ZNF827: variants seen among roughly 807,000 people sequenced by gnomAD.
ZNF827 encodes the protein zinc finger protein 827.
Under a neutral mutation model 102.4 loss-of-function variants are expected in ZNF827, and 13 were observed. That is an observed-to-expected ratio of 0.13 (90% CI 0.08 to 0.20). ZNF827 has a LOEUF of 0.20. Among genes scored for constraint, ZNF827 ranks in the 10% least tolerant of loss-of-function variants. ZNF827 has a pLI of 1.00. For synonymous variants in ZNF827, 523 were observed against 536.2 expected, an observed-to-expected ratio of 0.98 and a Z score of 0.34; for missense variants, 1,103 against 1,344.4, an observed-to-expected ratio of 0.82 and a Z score of 2.81.
chr4:145,901,133 A>G (rs1751375875), intron 2 of ZNF827, among the ~76,000 whole-genome samples: 1 of 152,188 alleles, frequency 6.6e-6, no homozygotes, highest in Non-Finnish European at 1.5e-5. Context: ...CGTTCCGTCA[A>G]TTATTTGCCA....
chr4:145,765,820 C>T lies in ZNF827; in HGVS notation c.2861-82G>A. ...AGCAACTGAGGGTGACGAGTTGAGT[C>T]TCATGGATGCATCATCATTCTGGGG... On this transcript the variant is annotated intron_variant, in intron 11 of 14. Transcript: ENST00000508784. This position sits in a 1 kb window ranked among gnomAD's most constrained non-coding sequence, Gnocchi z 4.7. The T allele has an allele frequency of 7.2e-7, 1 of 1,381,578 alleles. No individual in the cohort carries two copies. The highest frequency in any genetic ancestry group is 1.4e-5 in the South Asian group (1 of 72,852). The allele number at this position is 1,381,578 out of a possible 1,614,324, so 85.6% of individuals were successfully genotyped here.
At chr4:145,830,964 G>A (rs761305506) in intron 7 of ZNF827, 1 of 152,196 alleles carries the variant, frequency 6.6e-6, no homozygotes, top group Non-Finnish European at 1.5e-5. Context: ...AACATGTTAC[G>A]TATAACAATC....
intron 2 of ZNF827, among the ~76,000 whole-genome samples, chr4:145,898,807 CA>C (rs1319051035): frequency 1.3e-5 from 2 of 152,104 alleles, no homozygotes; most frequent in Admixed American, 6.5e-5. Flanking sequence ...ACCTAAAAGA[CA>C]ATTTTTTTTT....
chr4:145,813,650 C>G (rs912019911), intron 8 of ZNF827, among the ~76,000 whole-genome samples: 1 of 152,108 alleles, frequency 6.6e-6, no homozygotes, highest in Admixed American at 6.5e-5. Flanking sequence ...AAAACAGACC[C>G]GTATTATAAT....
chr4:145,820,268 T>A (rs1005320362), intron 8 of ZNF827, among the ~76,000 whole-genome samples: 1 of 152,222 alleles, frequency 6.6e-6, no homozygotes, highest in African/African-American at 2.4e-5. Context: ...ACCAATGTTG[T>A]ATATATTGTT....
At chr4:145,914,125 ATAT>A (rs1326628523) in intron 1 of ZNF827, among the ~76,000 whole-genome samples, 1 of 152,092 alleles carries the variant, frequency 6.6e-6, no homozygotes, top group African/African-American at 2.4e-5. Context: ...TGTAATAAAC[ATAT>A]TATAGTCATC....
intron 1 of ZNF827, among the ~76,000 whole-genome samples, chr4:145,905,649 C>T (rs1751797019): frequency 6.6e-6 from 1 of 152,166 alleles, no homozygotes; most frequent in South Asian, 2.1e-4. Flanking sequence ...TACCAAACAC[C>T]AAGCAGTCAA....
At chr4:145,891,616 A>T (rs1165804635) in intron 3 of ZNF827, among the ~76,000 whole-genome samples, 7 of 152,182 alleles carry the variant, frequency 4.6e-5, no homozygotes, top group Non-Finnish European at 8.8e-5. Flanking sequence ...ATGTTTGGTA[A>T]ATGTAATCCT....
At chr4:145,863,237 C>G (rs190914087) in intron 5 of ZNF827, among the ~76,000 whole-genome samples, 162 of 152,230 alleles carry the variant, frequency 1.1e-3, no homozygotes, top group Middle Eastern at 3.4e-3. Context: ...TAAAAAAAGA[C>G]AGACAAAACC....
chr4:145,838,413 G>A (rs1390537763), intron 7 of ZNF827, among the ~76,000 whole-genome samples: 2 of 151,976 alleles, frequency 1.3e-5, no homozygotes, highest in African/African-American at 4.8e-5. Context: ...GACTCTTTTC[G>A]GACTCAGCCC....
intron 8 of ZNF827, among the ~76,000 whole-genome samples, chr4:145,793,939 CT>C (rs1740104973): frequency 6.6e-6 from 1 of 150,534 alleles, no homozygotes; most frequent in African/African-American, 2.5e-5. Flanking sequence ...CAGTGAAACT[CT>C]GACTGGGGGG....
chr4:145,902,306 G>A lies in ZNF827; in HGVS notation c.953C>T (p.Pro318Leu), dbSNP rs772796827. Residue 318 changes from proline (P) to leucine (L), a missense_variant, in exon 2 of 15, where the codon CCG (proline) becomes CTG (leucine). Coordinates refer to ENST00000508784, the MANE Select transcript of ZNF827 (RefSeq NM_001306215.2). The surrounding 1 kb of genome is among the most constrained non-coding windows in gnomAD (Gnocchi z 4.3). ...TTTTTCTGGTTTCTTCTCTGAAGGC[G>A]GGGGCGGTAGAGGGTCCTCAGGCAG... is the stretch of plus-strand genomic sequence containing the variant. ...SLLPEDPLPP[P>L]PSEKKPEKVT... 3.1e-6 allele frequency: 5 copies of A among 1,597,802 alleles called. No homozygotes were observed. The highest frequency in any genetic ancestry group is 1.3e-5 in the African/African-American group (1 of 74,342).
intron 9 of ZNF827, among the ~76,000 whole-genome samples, chr4:145,776,824 CATAA>C (rs2126955636): frequency 6.6e-6 from 1 of 152,230 alleles, no homozygotes; most frequent in East Asian, 1.9e-4. Context: ...TTTCATTTTA[CATAA>C]ATAAAGAATT....
Position 145,909,154 on chromosome 4 carries a change from A to G in ZNF827, c.44-5939T>C, listed in dbSNP as rs545663836. ...AAAGGTAGACCTTACCAACTATTTTACCATACTCACTAGTTTTGAAATCAA... is the reference window on the plus strand; with the variant it reads ...AAAGGTAGACCTTACCAACTATTTTGCCATACTCACTAGTTTTGAAATCAA... On this transcript the variant is annotated intron_variant, in intron 1 of 14. Transcript: ENST00000508784. 6.6e-5 allele frequency among the ~76,000 whole-genome samples: 10 copies of G among 152,332 alleles called. No individual in the cohort carries two copies. The South Asian group carries it at 2.1e-3, about 32-fold the overall frequency.
chr4:145,828,000 G>A (rs1391269076), intron 7 of ZNF827, among the ~76,000 whole-genome samples: 2 of 152,216 alleles, frequency 1.3e-5, no homozygotes, highest in Non-Finnish European at 2.9e-5. Flanking sequence ...TGGTGAGGCT[G>A]ACACCTCGTT....
chr4:145,900,191 C>T (rs565495134), intron 2 of ZNF827, among the ~76,000 whole-genome samples: 11 of 152,140 alleles, frequency 7.2e-5, no homozygotes, highest in African/African-American at 2.2e-4. Context: ...CTGGTTATAC[C>T]GGAGACTTCA....
chr4:145,767,096 A>G (rs1045913668), intron 11 of ZNF827, among the ~76,000 whole-genome samples: 1 of 152,238 alleles, frequency 6.6e-6, no homozygotes, highest in Admixed American at 6.5e-5. Context: ...ATAATCAACC[A>G]ATCAAAGGTG....
chr4:145,763,192 CA>C lies in ZNF827; in HGVS notation c.3231-71del. On this transcript the variant is annotated intron_variant, in intron 13 of 14. Coordinates refer to ENST00000508784, the MANE Select transcript of ZNF827 (RefSeq NM_001306215.2). This position sits in a 1 kb window ranked among gnomAD's most constrained non-coding sequence, Gnocchi z 4.6. The stretch of plus-strand genomic sequence containing the variant: ...TTATGAACAGGATATAGAGTACAAG[CA>C]GTTCCATCACAGAAAAGCAATTTAG... 6.8e-7 allele frequency: 1 copy of C among 1,471,638 alleles called. No homozygotes were observed. 91.2% of individuals were successfully genotyped at this position (1,471,638 alleles called of 1,614,324 possible). A position where few individuals can be genotyped will look rare whatever the true frequency, so the allele number is the denominator to read the frequency against.
intron 1 of ZNF827, among the ~76,000 whole-genome samples, chr4:145,912,115 G>GT (rs1752338651): frequency 6.6e-6 from 1 of 152,064 alleles, no homozygotes; most frequent in Admixed American, 6.5e-5. Flanking sequence ...AATTTTTCAG[G>GT]TAACCAAAAA....
Sources: gnomAD v4.1 joint callset for allele counts (sites outside exome capture counted in the v4.1 genomes callset) on GRCh38, gnomAD v4.1.1 for gene constraint, Gnocchi (gnomAD v3.1) non-coding constraint, MANE v1.5 for transcripts, NCBI Gene and HGNC (gene_info 2026-07-23, HGNC 2026-07-21) for gene names.